The following PPP1R9A variants were observed in gnomAD, a reference collection of about 807,000 sequenced individuals.
PPP1R9A encodes the protein protein phosphatase 1 regulatory subunit 9A.
Under a neutral mutation model 141.9 loss-of-function variants are expected in PPP1R9A, and 59 were observed. The observed-to-expected ratio is 0.42, with a 90% CI of 0.34 to 0.52. PPP1R9A has a LOEUF of 0.52. Among genes scored for constraint, PPP1R9A ranks in the 20% least tolerant of loss-of-function variants. PPP1R9A has a pLI of 0.10. For synonymous variants in PPP1R9A, 500 were observed against 569.7 expected, an observed-to-expected ratio of 0.88 and a Z score of 1.74; for missense variants, 1,444 against 1,611.9, an observed-to-expected ratio of 0.90 and a Z score of 1.78.
chr7:95,034,709 G>A lies in PPP1R9A; in HGVS notation c.1396-76550G>A, dbSNP rs555092648. On this transcript the variant is annotated intron_variant, in intron 2 of 19. Transcript: ENST00000433360. ...GGTATTTGAGTCTACAAATACAGTA[G>A]TGCTGCATTTACCAATTATTTGTAC... Among the ~76,000 whole-genome samples, 3 of 152,260 alleles carry A rather than the reference G, an allele frequency of 2.0e-5. No individual in the cohort carries two copies. In the South Asian group the frequency reaches 6.2e-4, roughly 32 times the overall value.
chr7:95,059,246 G>A (rs1811900808), intron 2 of PPP1R9A, among the ~76,000 whole-genome samples: 1 of 152,002 alleles, frequency 6.6e-6, no homozygotes, highest in Non-Finnish European at 1.5e-5. Context: ...TTATTAAAAG[G>A]TATAGGCTAA....
At chr7:95,243,906 T>G (rs1797781961) in intron 8 of PPP1R9A, among the ~76,000 whole-genome samples, 1 of 152,158 alleles carries the variant, frequency 6.6e-6, no homozygotes, top group Non-Finnish European at 1.5e-5. Context: ...AACCTGGCTT[T>G]GGCACCTAAT....
intron 12 of PPP1R9A, among the ~76,000 whole-genome samples, chr7:95,265,192 T>C (rs1801087255): frequency 6.6e-6 from 1 of 152,160 alleles, no homozygotes; most frequent in South Asian, 2.1e-4. Context: ...GCCCTTGACA[T>C]GTGCTTTTGT....
Position 95,251,956 on chromosome 7 carries a change from T to C in PPP1R9A, c.2494-3T>C. On this transcript the variant is annotated splice_polypyrimidine_tract_variant and splice_region_variant and intron_variant, in intron 11 of 19. Transcript: ENST00000433360. ...GTTTTATAAATGGATTTGTTTTTCC[T>C]AGATTAGAGATTTGGAAGCTGAGGT... 8 of 1,605,304 alleles carry C rather than the reference T, an allele frequency of 5.0e-6. No individual in the cohort carries two copies. Among genetic ancestry groups the C allele is most frequent in the Non-Finnish European group, 6.8e-6 (8 of 1,177,598 alleles).
At chr7:95,000,554 T>C (rs1368900901) in intron 2 of PPP1R9A, among the ~76,000 whole-genome samples, 3 of 152,166 alleles carry the variant, frequency 2.0e-5, no homozygotes, top group Non-Finnish European at 4.4e-5. Context: ...ATTTTTTTCC[T>C]TTTTCCAGGT....
At chr7:95,080,187 C>T (rs991287276) in intron 2 of PPP1R9A, among the ~76,000 whole-genome samples, 3 of 152,108 alleles carry the variant, frequency 2.0e-5, no homozygotes, top group Admixed American at 6.5e-5. Flanking sequence ...AGCTAGAAAA[C>T]CCCCATTGTC....
intron 5 of PPP1R9A, among the ~76,000 whole-genome samples, chr7:95,194,591 A>G (rs1436996154): frequency 6.6e-6 from 1 of 152,080 alleles, no homozygotes; most frequent in Admixed American, 6.5e-5. Flanking sequence ...CAAAGGTACT[A>G]GGATTAATAA....
At chr7:95,152,395 C>T (rs1343855769) in intron 4 of PPP1R9A, among the ~76,000 whole-genome samples, 1 of 152,092 alleles carries the variant, frequency 6.6e-6, no homozygotes, top group Non-Finnish European at 1.5e-5. Context: ...TCCATGCATT[C>T]TTCTTTCTAA....
intron 2 of PPP1R9A, among the ~76,000 whole-genome samples, chr7:94,947,303 A>G (rs1387463953): frequency 2.6e-5 from 4 of 152,080 alleles, no homozygotes; most frequent in Admixed American, 1.3e-4. Context: ...TGGAAACGGA[A>G]TGTAGTTTTG....
intron 2 of PPP1R9A, among the ~76,000 whole-genome samples, chr7:95,048,819 A>G (rs1186627048): frequency 6.6e-6 from 1 of 152,070 alleles, no homozygotes; most frequent in Admixed American, 6.6e-5. Flanking sequence ...TGCTGGGATT[A>G]CAGGTGTGAG....
chr7:95,022,259 T>C (rs965388639), intron 2 of PPP1R9A, among the ~76,000 whole-genome samples: 2 of 152,224 alleles, frequency 1.3e-5, no homozygotes, highest in African/African-American at 2.4e-5. Flanking sequence ...CACTCATGAC[T>C]TGCCTCTCTG....
At chr7:95,215,775 G>C (rs957490880) in intron 7 of PPP1R9A, among the ~76,000 whole-genome samples, 8 of 152,118 alleles carry the variant, frequency 5.3e-5, no homozygotes, top group Admixed American at 4.6e-4. Flanking sequence ...GTCTACTTTT[G>C]AGAAGTGTAT....
intron 2 of PPP1R9A, among the ~76,000 whole-genome samples, chr7:94,953,436 A>G (rs930812762): frequency 2.0e-5 from 3 of 152,182 alleles, no homozygotes; most frequent in Non-Finnish European, 4.4e-5. Flanking sequence ...TGTCTTGACT[A>G]TATGGGCTCT....
intron 2 of PPP1R9A, among the ~76,000 whole-genome samples, chr7:95,050,242 G>C (rs938365675): frequency 6.6e-6 from 1 of 152,150 alleles, no homozygotes; most frequent in African/African-American, 2.4e-5. Flanking sequence ...GACATATGTG[G>C]AGCATCTTTT....
At chr7:95,085,364 C>A (rs1001466376) in intron 2 of PPP1R9A, among the ~76,000 whole-genome samples, 1 of 150,944 alleles carries the variant, frequency 6.6e-6, no homozygotes, top group East Asian at 1.9e-4. Flanking sequence ...CCTCTCAGAG[C>A]GCTAGGATTA....
At chr7:95,231,605 A>G (rs1489956336) in intron 8 of PPP1R9A, among the ~76,000 whole-genome samples, 3 of 152,118 alleles carry the variant, frequency 2.0e-5, no homozygotes, top group Non-Finnish European at 4.4e-5. Context: ...CCTCAAAACA[A>G]TGCAAATACA....
At chr7:95,005,337 A>C (rs1183920122) in intron 2 of PPP1R9A, among the ~76,000 whole-genome samples, 1 of 152,182 alleles carries the variant, frequency 6.6e-6, no homozygotes, top group African/African-American at 2.4e-5. Flanking sequence ...TGAATACTGT[A>C]TGAATTCATT....
At chr7:95,276,002 G>A (rs1359376579) in intron 16 of PPP1R9A, among the ~76,000 whole-genome samples, 1 of 152,096 alleles carries the variant, frequency 6.6e-6, no homozygotes, top group Non-Finnish European at 1.5e-5. Flanking sequence ...GTGTGGTTCG[G>A]GAGTGAGAAT....
At chr7:94,969,544 G>C (rs1215967589) in intron 2 of PPP1R9A, among the ~76,000 whole-genome samples, 1 of 152,136 alleles carries the variant, frequency 6.6e-6, no homozygotes, top group Non-Finnish European at 1.5e-5. Flanking sequence ...GCACCTTCCA[G>C]ATGCCAGTCA....
Sources: allele counts gnomAD v4.1 joint callset (sites outside exome capture counted in the v4.1 genomes callset), GRCh38; gene constraint gnomAD v4.1.1; transcripts MANE v1.5; gene names NCBI Gene and HGNC (gene_info 2026-07-23, HGNC 2026-07-21).